HMGA2: variants seen among roughly 807,000 people sequenced by gnomAD.
HMGA2 encodes high mobility group AT-hook 2, also known as high mobility group protein HMGI-C.
A neutral mutation model predicts 19.1 loss-of-function variants in HMGA2; 8 were observed. The observed-to-expected ratio is 0.42, with a 90% CI of 0.25 to 0.76. HMGA2 has a LOEUF of 0.76. Among genes scored for constraint, HMGA2 ranks in the 30% least tolerant of loss-of-function variants. HMGA2 has a pLI of 0.28. For missense variants in HMGA2, 109 were observed against 136.3 expected, an observed-to-expected ratio of 0.80 and a Z score of 1.00; for synonymous variants, 60 against 48.8, an observed-to-expected ratio of 1.23 and a Z score of -0.96.
At chr12:65,921,265 GT>G (rs1281681694) in intron 3 of HMGA2, among the ~76,000 whole-genome samples, 1 of 152,114 alleles carries the variant, frequency 6.6e-6, no homozygotes, top group Non-Finnish European at 1.5e-5. Flanking sequence ...TTTTGTTTTT[GT>G]TTTTGTTTTT....
intron 3 of HMGA2, chr12:65,948,485 C>T (rs953617957): frequency 6.6e-6 from 1 of 152,152 alleles, no homozygotes; most frequent in Non-Finnish European, 1.5e-5. Flanking sequence ...GTTTCCTTTC[C>T]CTTTTTATGA....
chr12:65,826,992 G>C (rs1405220442), intron 1 of HMGA2: 1 of 152,142 alleles, frequency 6.6e-6, no homozygotes, highest in Non-Finnish European at 1.5e-5. Context: ...CATTGAGGAC[G>C]TTCATGGGTT....
At chr12:65,904,153 C>T (rs185580054) in intron 3 of HMGA2, among the ~76,000 whole-genome samples, 3 of 152,306 alleles carry the variant, frequency 2.0e-5, no homozygotes, top group East Asian at 1.9e-4. Context: ...GGGCCAGGGA[C>T]GTCTGACAGA....
intron 2 of HMGA2, among the ~76,000 whole-genome samples, chr12:65,831,611 C>T (rs761423362): frequency 2.0e-5 from 3 of 151,714 alleles, no homozygotes; most frequent in Non-Finnish European, 3.0e-5. Context: ...ATAATGTGTT[C>T]AGAGTAAATG....
At chr12:65,839,327 C>A (rs889771937) in intron 3 of HMGA2, among the ~76,000 whole-genome samples, 1 of 151,994 alleles carries the variant, frequency 6.6e-6, no homozygotes, top group Non-Finnish European at 1.5e-5. Context: ...TTCCCACTGA[C>A]GGAGAAAAGA....
At chr12:65,866,591 G>A (rs956165724) in intron 3 of HMGA2, among the ~76,000 whole-genome samples, 5 of 152,174 alleles carry the variant, frequency 3.3e-5, no homozygotes, top group African/African-American at 1.2e-4. Flanking sequence ...TGTCTTAAGA[G>A]TCAGGTAAAA....
At chr12:65,827,942 G>T in intron 1 of HMGA2, 59 bp from the exon 2 acceptor site, 1 of 1,182,550 alleles carries the variant, frequency 8.5e-7, no homozygotes, top group South Asian at 1.2e-5. Context: ...TAAAGAGTCA[G>T]GGTCAATTTC....
At chr12:65,936,401 G>C (rs533337796) in intron 3 of HMGA2, among the ~76,000 whole-genome samples, 11 of 152,078 alleles carry the variant, frequency 7.2e-5, no homozygotes, top group Non-Finnish European at 1.3e-4. Context: ...CACAAGTTAG[G>C]TGAACAAAGC....
intron 3 of HMGA2, among the ~76,000 whole-genome samples, chr12:65,904,131 T>C (rs906765503): frequency 4.6e-5 from 7 of 152,266 alleles, no homozygotes; most frequent in Non-Finnish European, 8.8e-5. Flanking sequence ...AGCTTCATTT[T>C]CCAGAGGCCC....
intron 3 of HMGA2, among the ~76,000 whole-genome samples, chr12:65,841,310 T>A (rs1870986129): frequency 6.6e-6 from 1 of 152,210 alleles, no homozygotes; most frequent in Admixed American, 6.5e-5. Context: ...CTCTCCTGGT[T>A]TCTAATTTTT....
chr12:65,906,628 G>C (rs1177045685), intron 3 of HMGA2, among the ~76,000 whole-genome samples: 1 of 152,142 alleles, frequency 6.6e-6, no homozygotes, highest in Non-Finnish European at 1.5e-5. Context: ...TCAACTCATA[G>C]AATACTCTTG....
At chr12:65,875,587 C>CTTTTTTTTT (rs1872953046) in intron 3 of HMGA2, among the ~76,000 whole-genome samples, 1 of 34,062 alleles carries the variant, frequency 2.9e-5, no homozygotes, top group Non-Finnish European at 1.0e-4. Context: ...CCGTGCCCGG[C>CTTTTTTTTT]TATTTTTTTT....
chr12:65,944,835 G>A (rs181347830), intron 3 of HMGA2, among the ~76,000 whole-genome samples: 128 of 152,244 alleles, frequency 8.4e-4, no homozygotes, highest in Admixed American at 1.6e-3. Flanking sequence ...ATACAGGTCT[G>A]CAGGAGGGTT....
At chr12:65,959,742 T>C (rs1876697920) in intron 4 of HMGA2, among the ~76,000 whole-genome samples, 1 of 152,232 alleles carries the variant, frequency 6.6e-6, no homozygotes, top group Non-Finnish European at 1.5e-5. Context: ...GCTACAGTTT[T>C]CATCTCCTTA....
At chr12:65,930,251 G>T (rs760409802) in intron 3 of HMGA2, among the ~76,000 whole-genome samples, 1 of 152,160 alleles carries the variant, frequency 6.6e-6, no homozygotes, top group Non-Finnish European at 1.5e-5. Flanking sequence ...AGGGTCTATT[G>T]AACTTTGGAC....
intron 2 of HMGA2, chr12:65,828,458 G>A (rs1048988451): frequency 4.4e-5 from 10 of 226,850 alleles, no homozygotes; most frequent in African/African-American, 2.3e-4. Flanking sequence ...GATTTTGCCT[G>A]GTGGTAAAGT....
intron 3 of HMGA2, among the ~76,000 whole-genome samples, chr12:65,852,946 A>G (rs1871548980): frequency 1.3e-5 from 2 of 152,226 alleles, no homozygotes; most frequent in Admixed American, 1.3e-4. Context: ...AAGTTCCAAC[A>G]GAACATCATG....
At chr12:65,860,593 A>G (rs1264374277) in intron 3 of HMGA2, among the ~76,000 whole-genome samples, 1 of 152,254 alleles carries the variant, frequency 6.6e-6, no homozygotes, top group Admixed American at 6.5e-5. Flanking sequence ...TGTGGTATAC[A>G]GTAACCGCTT....
At chr12:65,892,373 G>T (rs1873946739) in intron 3 of HMGA2, among the ~76,000 whole-genome samples, 2 of 152,270 alleles carry the variant, frequency 1.3e-5, no homozygotes, top group South Asian at 4.1e-4. Flanking sequence ...TCCCAACTGT[G>T]ATTTTATTGC....
Sources: allele counts gnomAD v4.1 joint callset (sites outside exome capture counted in the v4.1 genomes callset), GRCh38; gene constraint gnomAD v4.1.1; transcripts MANE v1.5; gene names NCBI Gene and HGNC (gene_info 2026-07-23, HGNC 2026-07-21).